The following KTN1 variants were observed in gnomAD, a reference collection of about 807,000 sequenced individuals.
KTN1 encodes kinectin.
Under a neutral mutation model 222.5 loss-of-function variants are expected in KTN1, and 130 were observed. The observed-to-expected ratio is 0.58, with a 90% CI of 0.51 to 0.68. The LOEUF (loss-of-function observed/expected upper bound fraction) is 0.68. Among genes scored for constraint, KTN1 ranks in the 30% least tolerant of loss-of-function variants. The probability of loss-of-function intolerance (pLI) is 0.00; values close to 1 mark genes in which losing one functional copy is unlikely to be tolerated. For missense variants in KTN1, 1,508 were observed against 1,500.4 expected (o/e 1.01, Z -0.08); for synonymous variants, 512 against 496.3 (o/e 1.03, Z -0.42).
At chr14:55,679,722 T>C (rs957229497) in intron 43 of KTN1, 37 bp downstream of exon 43, 4 of 1,591,278 alleles carry the variant, frequency 2.5e-6, no homozygotes, top group Non-Finnish European at 3.4e-6. Flanking sequence ...TATGGGTAAT[T>C]GATGTTATGT....
intron 14 of KTN1, 73 bp from the exon 15 acceptor site, chr14:55,640,301 G>C (rs1297630228): frequency 9.5e-7 from 1 of 1,051,768 alleles, no homozygotes; most frequent in Non-Finnish European, 1.4e-6. Context: ...TAACTCTTTT[G>C]TAGAAAAGAT....
intron 32 of KTN1, among the ~76,000 whole-genome samples, chr14:55,662,447 A>G (rs951677672): frequency 1.3e-5 from 2 of 152,162 alleles, no homozygotes; most frequent in African/African-American, 2.4e-5. Context: ...ACCTGACTAC[A>G]TTTATACTAG....
At chr14:55,581,411 T>C (rs2031587933) in intron 1 of KTN1, among the ~76,000 whole-genome samples, 1 of 152,186 alleles carries the variant, frequency 6.6e-6, no homozygotes, top group Non-Finnish European at 1.5e-5. Flanking sequence ...TTAGTAGTGC[T>C]TAAAGAGCTA....
intron 40 of KTN1, chr14:55,674,859 A>T (rs1405311502): frequency 6.6e-6 from 1 of 152,158 alleles, no homozygotes; most frequent in African/African-American, 2.4e-5. Context: ...TTTTTATGAT[A>T]AAATAGCTTT....
At chr14:55,630,231 C>T (rs1164198743) in intron 7 of KTN1, 134 bp downstream of exon 7, 7 of 762,676 alleles carry the variant, frequency 9.2e-6, no homozygotes, top group Non-Finnish European at 1.5e-5. Flanking sequence ...CACTCTGCGT[C>T]CTAAGTAAAA....
chr14:55,610,835 A>G (rs547647641), intron 1 of KTN1, among the ~76,000 whole-genome samples: 55 of 152,344 alleles, frequency 3.6e-4, no homozygotes, highest in African/African-American at 1.3e-3. Context: ...ACTACCCTTC[A>G]CGTAAGTGAT....
chr14:55,644,454 C>T (rs1246063027), intron 18 of KTN1: 3 of 701,174 alleles, frequency 4.3e-6, no homozygotes, highest in East Asian at 5.4e-5. Flanking sequence ...GTAAGTTAAC[C>T]TGTTGATACC....
At chr14:55,666,679 G>C (rs2044785488) in intron 33 of KTN1, among the ~76,000 whole-genome samples, 1 of 151,790 alleles carries the variant, frequency 6.6e-6, no homozygotes, top group African/African-American at 2.4e-5. Flanking sequence ...GTTGCTCCTT[G>C]TTCTTTCTTT....
intron 1 of KTN1, among the ~76,000 whole-genome samples, chr14:55,598,164 G>A (rs113275871): frequency 5.3e-5 from 8 of 152,152 alleles, no homozygotes; most frequent in Admixed American, 3.3e-4. Context: ...GGCAGGGCGC[G>A]GTGGCTCACG....
intron 1 of KTN1, among the ~76,000 whole-genome samples, chr14:55,589,029 A>C (rs1036546009): frequency 6.6e-6 from 1 of 152,290 alleles, no homozygotes; most frequent in Non-Finnish European, 1.5e-5. Flanking sequence ...ATAGTGTTCA[A>C]AGGTCAGTTA....
At chr14:55,644,658 G>C (rs2042126100) in intron 18 of KTN1, among the ~76,000 whole-genome samples, 1 of 149,828 alleles carries the variant, frequency 6.7e-6, no homozygotes, top group Non-Finnish European at 1.5e-5. Flanking sequence ...AAGATTCAGT[G>C]ATCAAGATTA....
At chr14:55,618,662 C>T (rs2038725851) in intron 4 of KTN1, among the ~76,000 whole-genome samples, 1 of 152,138 alleles carries the variant, frequency 6.6e-6, no homozygotes, top group South Asian at 2.1e-4. Context: ...GTGGGTGGGT[C>T]AGGAGGTGCT....
At chr14:55,659,793 A>C (rs2043912293) in intron 31 of KTN1, 90 bp downstream of exon 31, 1 of 746,160 alleles carries the variant, frequency 1.3e-6, no homozygotes, top group African/African-American at 1.8e-5. Context: ...GTGTAACTGC[A>C]AATGGCACCT....
At position 55,678,424 on chromosome 14, in the gene KTN1, A is replaced by G. The variant is rs375810355; in HGVS notation, c.3928A>G (p.Ser1310Gly). 1.2e-6 allele frequency: 2 copies of G among 1,607,546 alleles called. No homozygotes were observed. Among genetic ancestry groups the G allele is most frequent in the African/African-American group, 1.3e-5 (1 of 74,790 alleles). The change falls in exon 42 of 44, where the codon AGT becomes GGT. Residue 1310 changes from serine (S) to glycine (G), a missense_variant. By Grantham distance (56) the Ser-to-Gly change is moderately conservative (BLOSUM62 0). Coordinates refer to ENST00000395314, the MANE Select transcript of KTN1 (RefSeq NM_001079521.2). ...TGGAGACACTACTGTTATTGAAAAT[A>G]GTGATGTTTCCCCAGAAACGGTATG... is the stretch of plus-strand genomic sequence containing the variant. Reference protein sequence around the residue: ...AAGDTTVIENSDVSPETESSE... With the variant: ...AAGDTTVIENGDVSPETESSE...
At chr14:55,657,957 CTTTTTG>C (rs2043679766) in intron 29 of KTN1, among the ~76,000 whole-genome samples, 1 of 151,886 alleles carries the variant, frequency 6.6e-6, no homozygotes, top group Admixed American at 6.6e-5. Context: ...GTTTATAATT[CTTTTTG>C]TTTGTTTGTT....
intron 1 of KTN1, among the ~76,000 whole-genome samples, chr14:55,583,936 A>G (rs1273508770): frequency 1.3e-5 from 2 of 152,200 alleles, no homozygotes; most frequent in Admixed American, 6.5e-5. Context: ...CTTATCTTGA[A>G]AATATAACCA....
In KTN1 at chr14:55,671,849, T is replaced by C; in HGVS notation, c.3503T>C (p.Val1168Ala). The C allele has an allele frequency of 1.2e-6, 2 of 1,604,560 alleles. No individual in the cohort carries two copies. The highest frequency in any genetic ancestry group is 1.1e-5 in the South Asian group (1 of 90,854). ...GAAGAAAATAAATGGAAAGTTAAGG[T>C]CGATGAATCACACAAGACTATTAAA... ...EQEENKWKVK[V>A]DESHKTIKQM... Residue 1168 changes from valine to alanine, a missense_variant, in exon 37 of 44, where the codon GTC becomes GCC. Physicochemically the swap from Val to Ala is moderately conservative, Grantham distance 64. Transcript: ENST00000395314.
intron 34 of KTN1, among the ~76,000 whole-genome samples, chr14:55,670,309 T>A (rs1051689535): frequency 7.9e-5 from 12 of 152,208 alleles, no homozygotes; most frequent in South Asian, 6.2e-4. Flanking sequence ...CTTTATGAAC[T>A]CAAAATACTT....
intron 8 of KTN1, among the ~76,000 whole-genome samples, chr14:55,633,815 T>C (rs2040800333): frequency 6.6e-6 from 1 of 152,052 alleles, no homozygotes; most frequent in Non-Finnish European, 1.5e-5. Flanking sequence ...ATTCACTGAC[T>C]CTGAGGTAGA....
Sources: gnomAD v4.1 joint callset for allele counts (sites outside exome capture counted in the v4.1 genomes callset) on GRCh38, gnomAD v4.1.1 for gene constraint, MANE v1.5 for transcripts, NCBI Gene and HGNC (gene_info 2026-07-23, HGNC 2026-07-21) for gene names.